The following TMEM209 variants were observed in gnomAD, a reference collection of about 807,000 sequenced individuals.
TMEM209 encodes the protein transmembrane protein 209, also known as testicular tissue protein Li 202.
Under a neutral mutation model 76.2 loss-of-function variants are expected in TMEM209, and 65 were observed. The observed-to-expected ratio is 0.85, with a 90% CI of 0.70 to 1.05. The LOEUF (loss-of-function observed/expected upper bound fraction) is 1.05. Among genes scored for constraint, TMEM209 ranks in the 50% least tolerant of loss-of-function variants. TMEM209 has a pLI of 0.00. For synonymous variants in TMEM209, 239 were observed against 237.6 expected, an observed-to-expected ratio of 1.01 and a Z score of -0.06; for missense variants, 623 against 685.5, an observed-to-expected ratio of 0.91 and a Z score of 1.02.
intron 5 of TMEM209, among the ~76,000 whole-genome samples, chr7:130,194,975 T>C (rs562211576): frequency 7.9e-5 from 12 of 152,260 alleles, no homozygotes; most frequent in South Asian, 6.2e-4. Context: ...AAAATTAACA[T>C]ATTACATAAT....
intron 10 of TMEM209, among the ~76,000 whole-genome samples, chr7:130,177,028 CAAAAA>C (rs5887463): frequency 2.6e-5 from 3 of 117,534 alleles, no homozygotes; most frequent in Non-Finnish European, 3.4e-5. Context: ...AGCCGGGTCT[CAAAAA>C]AAAAAAAAAA....
At chr7:130,200,249 T>G (rs1798142097) in intron 5 of TMEM209, among the ~76,000 whole-genome samples, 1 of 151,986 alleles carries the variant, frequency 6.6e-6, no homozygotes, top group Non-Finnish European at 1.5e-5. Context: ...GCACGAGAAC[T>G]TCCTGATTTA....
chr7:130,201,843 T>C lies in TMEM209; in HGVS notation c.573+7A>G, dbSNP rs374410141. 6.2e-6 allele frequency: 10 copies of C among 1,613,602 alleles called. No individual in the cohort carries two copies. In the African/African-American group the frequency reaches 1.3e-4, roughly 22 times the overall value. On this transcript the variant is annotated splice_region_variant and intron_variant, in intron 5 of 14. Coordinates refer to ENST00000397622, the MANE Select transcript of TMEM209 (RefSeq NM_032842.4). ...AATGTGACTAGACAAGAGAAGAGAG[T>C]CATTACCTTATTATAACCACTGACG...
chr7:130,203,923 A>ACCAG, intron 2 of TMEM209, 51 bp downstream of exon 2: 1 of 1,602,820 alleles, frequency 6.2e-7, no homozygotes, highest in Non-Finnish European at 8.5e-7. Flanking sequence ...AACCTGTGGA[A>ACCAG]CCAGCCACTG....
chr7:130,177,376 G>A (rs1797272422), intron 10 of TMEM209, among the ~76,000 whole-genome samples: 1 of 151,156 alleles, frequency 6.6e-6, no homozygotes, highest in Non-Finnish European at 1.5e-5. Flanking sequence ...AATGATAATT[G>A]TATTCTGGTT....
intron 5 of TMEM209, among the ~76,000 whole-genome samples, chr7:130,197,707 T>C (rs551945219): frequency 3.3e-5 from 5 of 152,346 alleles, no homozygotes; most frequent in Admixed American, 3.3e-4. Flanking sequence ...GTAATAGCTA[T>C]TCTCTGCTCT....
At chr7:130,193,273 C>T (rs1200587386) in intron 5 of TMEM209, among the ~76,000 whole-genome samples, 2 of 152,084 alleles carry the variant, frequency 1.3e-5, no homozygotes, top group African/African-American at 4.8e-5. Flanking sequence ...TTGCTGGGCA[C>T]GGTGGCTCAC....
Position 130,178,472 on chromosome 7 carries a change from C to A in TMEM209, c.1176G>T (p.Pro392=). 2 of 1,613,726 alleles carry A rather than the reference C, an allele frequency of 1.2e-6. No individual in the cohort carries two copies. The highest frequency in any genetic ancestry group is 1.1e-5 in the South Asian group (1 of 91,026). Residue 392 remains proline, a synonymous_variant, in exon 10 of 15, where the codon CCG becomes CCT. Transcript: ENST00000397622. ...QAALVKAPLI[P]TLNTIVQYLD... is the part of the protein sequence containing the mutation. ...GATACTGAACGATTGTGTTCAAAGTCGGAATGAGAGGCGCTTTAACCAGGG... is the reference window on the plus strand; with the variant it reads ...GATACTGAACGATTGTGTTCAAAGTAGGAATGAGAGGCGCTTTAACCAGGG...
Position 130,202,017 on chromosome 7 carries a change from C to T in TMEM209, c.406G>A (p.Gly136Ser). ...GGGCTATAACTCAACACACTCTGAC[C>T]CTGAATTGAAGGGGAAGGTGGAGCG... ...PPAPPSPSIQ[G>S]QSVLSYSPSR... is the part of the protein sequence containing the mutation. Residue 136 changes from glycine to serine, a missense_variant, in exon 5 of 15, where the codon GGT becomes AGT. Physicochemically the swap from Gly to Ser is moderately conservative, Grantham distance 56. Coordinates refer to ENST00000397622, the MANE Select transcript of TMEM209 (RefSeq NM_032842.4). 1 of 1,613,800 alleles carries T rather than the reference C, an allele frequency of 6.2e-7. No individual in the cohort carries two copies. The highest frequency in any genetic ancestry group is 8.5e-7 in the Non-Finnish European group (1 of 1,179,870).
At position 130,192,645 on chromosome 7, in the gene TMEM209, T is replaced by C. The variant is rs2117014501; in HGVS notation, c.752A>G (p.Glu251Gly). ...TLDTFLRSEE[E>G]KQHRVKLGSP... is the part of the protein sequence containing the mutation. ...ACCCAGCTTAACCCTATGCTGTTTC[T>C]CCTCTTCACTTCTGAGAAAAGTATC... Residue 251 changes from glutamate (E) to glycine (G), a missense_variant, in exon 6 of 15, where the codon GAG becomes GGG. Physicochemically the swap from Glu to Gly is moderately conservative, Grantham distance 98. Coordinates refer to ENST00000397622, the MANE Select transcript of TMEM209 (RefSeq NM_032842.4). 1 of 1,613,698 alleles carries C rather than the reference T, an allele frequency of 6.2e-7. No homozygotes were observed. The highest frequency in any genetic ancestry group is 8.5e-7 in the Non-Finnish European group (1 of 1,179,710).
At position 130,172,264 on chromosome 7, in the gene TMEM209, C is replaced by T. The variant is rs566590576; in HGVS notation, c.1557+1368G>A. On this transcript the variant is annotated intron_variant, in intron 13 of 14. Coordinates refer to ENST00000397622, the MANE Select transcript of TMEM209 (RefSeq NM_032842.4). ...CTTAAAAATATTTTGACCTAGAATT[C>T]CACTTTTAGAACTCTGGACTAAAGA... 3.3e-5 allele frequency among the ~76,000 whole-genome samples: 5 copies of T among 152,250 alleles called. No individual in the cohort carries two copies. The East Asian group carries it at 7.7e-4, about 23-fold the overall frequency.
chr7:130,167,103 TG>T (rs1362935826), intron 14 of TMEM209, among the ~76,000 whole-genome samples: 4 of 152,074 alleles, frequency 2.6e-5, no homozygotes, highest in Non-Finnish European at 5.9e-5. Flanking sequence ...TATCTGAAAC[TG>T]AAGAATCAAG....
intron 9 of TMEM209, among the ~76,000 whole-genome samples, chr7:130,180,322 A>C (rs551102573): frequency 6.6e-6 from 1 of 152,300 alleles, no homozygotes; most frequent in East Asian, 1.9e-4. Flanking sequence ...ACCACTCAAC[A>C]AAAAGACAAA....
chr7:130,178,310 T>C, intron 10 of TMEM209, 92 bp downstream of exon 10: 1 of 1,287,714 alleles, frequency 7.8e-7, no homozygotes, highest in South Asian at 1.6e-5. Flanking sequence ...TGTTATACTT[T>C]TAATTAAAAG....
intron 9 of TMEM209, 110 bp from the exon 10 acceptor site, chr7:130,178,637 G>A (rs953259747): frequency 7.7e-7 from 1 of 1,290,510 alleles, no homozygotes; most frequent in South Asian, 1.4e-5. Context: ...CTACCTTCAG[G>A]TCTTCATACA....
At chr7:130,194,209 A>G (rs1797894405) in intron 5 of TMEM209, among the ~76,000 whole-genome samples, 1 of 151,934 alleles carries the variant, frequency 6.6e-6, no homozygotes, top group South Asian at 2.1e-4. Context: ...AAAAAAAAAA[A>G]AAAGAAATAT....
rs181145537 is a variant in TMEM209, at chr7:130,203,817, T to C, written c.170A>G (p.Asn57Ser). The C allele has an allele frequency of 1.5e-4, 233 of 1,606,008 alleles. 1 individual carries two copies. Among genetic ancestry groups the C allele is most frequent in the Non-Finnish European group, 1.8e-4 (208 of 1,175,784 alleles). Residue 57 changes from asparagine to serine, a missense_variant, in exon 3 of 15, where the codon AAT becomes AGT. Transcript: ENST00000397622. Reference protein sequence around the residue: ...MTGKLISSYYNVTYWPLWYIE... With the variant: ...MTGKLISSYYSVTYWPLWYIE... ...ATACCAGAGGGGCCAGTATGTCACA[T>C]TGTAGTATGAACTAATCAATTTTCC...
intron 6 of TMEM209, among the ~76,000 whole-genome samples, chr7:130,188,614 A>G (rs1319227368): frequency 2.0e-5 from 3 of 149,590 alleles, no homozygotes; most frequent in Non-Finnish European, 4.5e-5. Flanking sequence ...AAAAAAAAAA[A>G]AAAAAAGAAA....
At chr7:130,189,126 G>C (rs1447733050) in intron 6 of TMEM209, among the ~76,000 whole-genome samples, 1 of 152,076 alleles carries the variant, frequency 6.6e-6, no homozygotes, top group Non-Finnish European at 1.5e-5. Context: ...GTCAGTATTG[G>C]GTCAACTGGG....
Sources: allele counts gnomAD v4.1 joint callset (sites outside exome capture counted in the v4.1 genomes callset), GRCh38; gene constraint gnomAD v4.1.1; transcripts MANE v1.5; gene names NCBI Gene and HGNC (gene_info 2026-07-23, HGNC 2026-07-21).